The following EMX2 variants were observed in gnomAD, a reference collection of about 807,000 sequenced individuals.
EMX2 encodes the protein empty spiracles homeobox 2, also known as homeobox protein EMX2.
Under a neutral mutation model 23.0 loss-of-function variants are expected in EMX2, and 6 were observed. The ratio of observed to expected loss-of-function variants is 0.26; its 90% CI spans 0.14 to 0.52. The LOEUF (loss-of-function observed/expected upper bound fraction) is 0.52, where lower values mean the gene tolerates loss of function less well. Among genes scored for constraint, EMX2 ranks in the 20% least tolerant of loss-of-function variants. The pLI, the probability that EMX2 is intolerant of heterozygous loss-of-function variation, is 0.97. For missense variants in EMX2, 302 were observed against 341.4 expected, an observed-to-expected ratio of 0.88 and a Z score of 0.91; for synonymous variants, 175 against 153.3, an observed-to-expected ratio of 1.14 and a Z score of -1.04.
intron 1 of EMX2, among the ~76,000 whole-genome samples, chr10:117,544,037 A>C (rs922371585): frequency 6.6e-6 from 1 of 152,120 alleles, no homozygotes; most frequent in African/African-American, 2.4e-5. Flanking sequence ...CAATGCCCCC[A>C]ACCGTCCTGG....
rs542622227 is a variant in EMX2 at position 117,547,501 on chromosome 10, A to C, written c.592-564A>C. On this transcript the variant is annotated intron_variant, in intron 2 of 2. Transcript: ENST00000553456. ...TCACCTGTGAGAGTCCCCCGCACGG[A>C]GGATGCAGCTCAGGCAAACCCTGAT... Among the ~76,000 whole-genome samples, 7 of 152,200 alleles carry C rather than the reference A, an allele frequency of 4.6e-5. No homozygotes were observed. The East Asian group carries it at 1.4e-3, about 29-fold the overall frequency.
chr10:117,547,042 C>A (rs140221557), intron 2 of EMX2, among the ~76,000 whole-genome samples: 1 of 152,202 alleles, frequency 6.6e-6, no homozygotes, highest in Non-Finnish European at 1.5e-5. Flanking sequence ...TCACTGCCAT[C>A]TCCCTTACCT....
chr10:117,545,421 C>T (rs1220578308), intron 1 of EMX2, among the ~76,000 whole-genome samples: 3 of 152,156 alleles, frequency 2.0e-5, no homozygotes, highest in Non-Finnish European at 2.9e-5. Flanking sequence ...TGGTTGGGTG[C>T]CGCACCGGTG....
intron 2 of EMX2, 117 bp from the exon 3 acceptor site, chr10:117,547,948 G>A (rs887507527): frequency 1.4e-6 from 2 of 1,436,154 alleles, no homozygotes; most frequent in African/African-American, 1.4e-5. Flanking sequence ...CTTGCATCTC[G>A]GGGGCTGGGT....
chr10:117,548,464 C>T lies in EMX2; in HGVS notation c.*232C>T. The T allele has an allele frequency of 1.6e-6, 1 of 624,636 alleles. No homozygotes were observed. Among genetic ancestry groups the T allele is most frequent in the Non-Finnish European group, 2.8e-6 (1 of 361,096 alleles). 38.7% of individuals were successfully genotyped at this position (624,636 alleles called of 1,614,324 possible). A position where few individuals can be genotyped will look rare whatever the true frequency, so the allele number is the denominator to read the frequency against. ...CAGAGGATGGAGGCTCCTTCATCAA[C>T]AAGCGACCCTCGTCTAAAGAGGCAG... On this transcript the variant is annotated 3_prime_UTR_variant, in exon 3 of 3. Coordinates refer to ENST00000553456, the MANE Select transcript of EMX2 (RefSeq NM_004098.4).
rs1589647965 is a variant in EMX2 at position 117,543,499 on chromosome 10, C to T, written c.232C>T (p.Pro78Ser). ...GGTGTTCGCCGAGGCGGTCTCGCAC[C>T]CGCCCAACCCCGCCGTGCCAGTGCA... The part of the protein sequence containing the change: ...DLVFAEAVSH[P>S]PNPAVPVHPV... The change falls in exon 1 of 3, where the codon CCG becomes TCG. Residue 78 changes from proline to serine, a missense_variant. Around this residue, in one of 4 missense-constraint regions of EMX2, gnomAD observed 221 missense variants for 206.8 expected, o/e 1.07. Coordinates refer to ENST00000553456, the MANE Select transcript of EMX2 (RefSeq NM_004098.4). The T allele has an allele frequency of 6.2e-7, 1 of 1,607,902 alleles. No individual in the cohort carries two copies. Among genetic ancestry groups the T allele is most frequent in the East Asian group, 2.2e-5 (1 of 44,676 alleles).
chr10:117,547,300 G>T (rs1488067738), intron 2 of EMX2, among the ~76,000 whole-genome samples: 2 of 152,220 alleles, frequency 1.3e-5, no homozygotes, highest in Non-Finnish European at 2.9e-5. Context: ...GGAAGAGGGG[G>T]CTTGCTGTCA....
chr10:117,543,214 C>G lies in EMX2; in HGVS notation c.-54C>G. 1.5e-6 allele frequency: 2 copies of G among 1,375,894 alleles called. No homozygotes were observed. Among genetic ancestry groups the G allele is most frequent in the East Asian group, 3.3e-5 (1 of 30,560 alleles). The allele number at this position is 1,375,894 out of a possible 1,614,324, so 85.2% of individuals were successfully genotyped here. A position where few individuals can be genotyped will look rare whatever the true frequency, so the allele number is the denominator to read the frequency against. On this transcript the variant is annotated 5_prime_UTR_variant, in exon 1 of 3. Coordinates refer to ENST00000553456, the MANE Select transcript of EMX2 (RefSeq NM_004098.4). Reference sequence around the variant, plus strand: ...CGCGGGCAGCGGGCGGCGGAGGCAGCGTGCGGCGGTCGCCAGGAGCTGGGA... The same window carrying G: ...CGCGGGCAGCGGGCGGCGGAGGCAGGGTGCGGCGGTCGCCAGGAGCTGGGA...
At chr10:117,547,174 C>T (rs544101860) in intron 2 of EMX2, among the ~76,000 whole-genome samples, 1 of 152,208 alleles carries the variant, frequency 6.6e-6, no homozygotes, top group Admixed American at 6.5e-5. Context: ...GCTCCTGAGA[C>T]CTCTCACAGC....
Position 117,548,836 on chromosome 10 carries a change from A to C in EMX2, c.*604A>C. The C allele has an allele frequency of 2.5e-6, 1 of 399,448 alleles. No homozygotes were observed. Among genetic ancestry groups the C allele is most frequent in the Admixed American group, 4.3e-5 (1 of 23,110 alleles). 24.7% of individuals were successfully genotyped at this position (399,448 alleles called of 1,614,324 possible). A position where few individuals can be genotyped will look rare whatever the true frequency, so the allele number is the denominator to read the frequency against. ...CACCTGTTTCAAATCCTTGAAATGC[A>C]TGTAGCAGTTGTTGGGCGAATGGTG... On this transcript the variant is annotated 3_prime_UTR_variant, in exon 3 of 3. Transcript: ENST00000553456.
At position 117,548,342 on chromosome 10, in the gene EMX2, C is replaced by A; in HGVS notation, c.*110C>A. The A allele has an allele frequency of 1.4e-6, 2 of 1,450,016 alleles. No homozygotes were observed. Among genetic ancestry groups the A allele is most frequent in the South Asian group, 1.2e-5 (1 of 80,728 alleles). The allele number at this position is 1,450,016 out of a possible 1,614,324, so 89.8% of individuals were successfully genotyped here. On this transcript the variant is annotated 3_prime_UTR_variant, in exon 3 of 3. Transcript: ENST00000553456. ...AAAAACAAACCGCATACACGTTCAC[C>A]GAGAAAGGGAGAGGGAATCGGAGGG...
chr10:117,543,825 G>A (rs1262944266), intron 1 of EMX2, 152 bp downstream of exon 1: 6 of 1,244,816 alleles, frequency 4.8e-6, no homozygotes, highest in Non-Finnish European at 6.8e-6. Flanking sequence ...GGCGGCGCGG[G>A]GCCGGGCGTG....
At position 117,543,599 on chromosome 10, in the gene EMX2, C is replaced by G. The variant is rs1426142917; in HGVS notation, c.332C>G (p.Ser111Trp). The change falls in exon 1 of 3, where the codon TCG (serine) becomes TGG (tryptophan). Residue 111 changes from serine to tryptophan, a missense_variant. Physicochemically the swap from Ser to Trp is radical, Grantham distance 177 (BLOSUM62 -3). Coordinates refer to ENST00000553456, the MANE Select transcript of EMX2 (RefSeq NM_004098.4). Reference sequence around the variant, plus strand: ...CACTCGCCACACCCCCTATTCGCCTCGCAGCAGCGGGATCCGTCCACCTTC... The same window carrying G: ...CACTCGCCACACCCCCTATTCGCCTGGCAGCAGCGGGATCCGTCCACCTTC... ...SSHSPHPLFA[S>W]QQRDPSTFYP... The G allele has an allele frequency of 1.2e-6, 2 of 1,613,344 alleles. No homozygotes were observed. The highest frequency in any genetic ancestry group is 1.7e-6 in the Non-Finnish European group (2 of 1,179,728).
Position 117,543,214 on chromosome 10 carries a change from C to A in EMX2, c.-54C>A, listed in dbSNP as rs1846518435. On this transcript the variant is annotated 5_prime_UTR_variant, in exon 1 of 3. Coordinates refer to ENST00000553456, the MANE Select transcript of EMX2 (RefSeq NM_004098.4). Reference sequence around the variant, plus strand: ...CGCGGGCAGCGGGCGGCGGAGGCAGCGTGCGGCGGTCGCCAGGAGCTGGGA... The same window carrying A: ...CGCGGGCAGCGGGCGGCGGAGGCAGAGTGCGGCGGTCGCCAGGAGCTGGGA... 7.3e-7 allele frequency: 1 copy of A among 1,375,892 alleles called. No individual in the cohort carries two copies. The highest frequency in any genetic ancestry group is 1.6e-5 in the African/African-American group (1 of 63,744). The allele number at this position is 1,375,892 out of a possible 1,614,324, so 85.2% of individuals were successfully genotyped here.
In EMX2 at chr10:117,543,591, A is replaced by G; in HGVS notation, c.324A>G (p.Leu108=). Residue 108 remains leucine, a synonymous_variant, in exon 1 of 3, where the codon CTA becomes CTG. Coordinates refer to ENST00000553456, the MANE Select transcript of EMX2 (RefSeq NM_004098.4). ...CCTCCTCGCACTCGCCACACCCCCTATTCGCCTCGCAGCAGCGGGATCCGT... is the reference window on the plus strand; with the variant it reads ...CCTCCTCGCACTCGCCACACCCCCTGTTCGCCTCGCAGCAGCGGGATCCGT... ...PLPSSHSPHP[L]FASQQRDPST... 3.1e-6 allele frequency: 5 copies of G among 1,608,972 alleles called. No individual in the cohort carries two copies. The South Asian group carries it at 3.3e-5, about 11-fold the overall frequency.
In EMX2 at chr10:117,543,542, A is replaced by T; in HGVS notation, c.275A>T (p.His92Leu). The T allele has an allele frequency of 6.7e-7, 1 of 1,484,204 alleles. No individual in the cohort carries two copies. Among genetic ancestry groups the T allele is most frequent in the Non-Finnish European group, 9.0e-7 (1 of 1,109,672 alleles). 91.9% of individuals were successfully genotyped at this position (1,484,204 alleles called of 1,614,324 possible). The change falls in exon 1 of 3, where the codon CAC becomes CTC. Residue 92 changes from histidine (H) to leucine (L), a missense_variant. Physicochemically the swap from His to Leu is moderately conservative, Grantham distance 99 (BLOSUM62 -3). Around this residue, in one of 4 missense-constraint regions of EMX2, gnomAD observed 221 missense variants for 206.8 expected, o/e 1.07. Coordinates refer to ENST00000553456, the MANE Select transcript of EMX2 (RefSeq NM_004098.4). Reference sequence around the variant, plus strand: ...CCAGTGCACCCGGTGCCGCCGCCGCACGCCCTGGCCGCCCACCCCCTACCC... The same window carrying T: ...CCAGTGCACCCGGTGCCGCCGCCGCTCGCCCTGGCCGCCCACCCCCTACCC... Reference protein sequence around the residue: ...AVPVHPVPPPHALAAHPLPSS... With the variant: ...AVPVHPVPPPLALAAHPLPSS...
At position 117,543,281 on chromosome 10, in the gene EMX2, C is replaced by T. The variant is rs540731987; in HGVS notation, c.14C>T (p.Ala5Val). The change falls in exon 1 of 3, where the codon GCG (alanine) becomes GTG (valine). Residue 5 changes from alanine to valine, a missense_variant. By Grantham distance (64) the Ala-to-Val change is moderately conservative. Around this residue, in one of 4 missense-constraint regions of EMX2, gnomAD observed 221 missense variants for 206.8 expected, o/e 1.07. Transcript: ENST00000553456. The stretch of plus-strand genomic sequence containing the variant: ...CCTCGGCGCAGCATGTTCCAGCCGG[C>T]GCCCAAGCGCTGCTTCACCATCGAG... The part of the protein sequence containing the change: MFQP[A>V]PKRCFTIESL... 1.4e-4 allele frequency: 221 copies of T among 1,548,272 alleles called. No homozygotes were observed. In the South Asian group the frequency reaches 2.4e-3, roughly 17 times the overall value.
At chr10:117,545,895 G>C (rs1011764118) in intron 2 of EMX2, 79 bp downstream of exon 2, 3 of 1,592,800 alleles carry the variant, frequency 1.9e-6, no homozygotes, top group African/African-American at 1.3e-5. Flanking sequence ...ACACCCATGA[G>C]CACGGAGCTC....
intron 1 of EMX2, chr10:117,545,197 C>A (rs915494979): frequency 6.0e-6 from 1 of 165,316 alleles, no homozygotes; most frequent in African/African-American, 2.4e-5. Context: ...AGCAGCCCGC[C>A]GCCTTTCCAC....
Sources: allele counts gnomAD v4.1 joint callset (sites outside exome capture counted in the v4.1 genomes callset), GRCh38; gene constraint gnomAD v4.1.1; regional missense constraint gnomAD v4.1.1; transcripts MANE v1.5; gene names NCBI Gene and HGNC (gene_info 2026-07-23, HGNC 2026-07-21).